Variants in PITRM1 observed in about 807,000 individuals in gnomAD.
PITRM1 encodes the protein pitrilysin metallopeptidase 1, also known as presequence protease, mitochondrial.
PITRM1 carries 100 observed loss-of-function variants against 129.9 expected under a neutral mutation model. The observed-to-expected ratio is 0.77, with a 90% CI of 0.65 to 0.91. The LOEUF (loss-of-function observed/expected upper bound fraction) is 0.91. PITRM1 is among the 40% of genes least tolerant of loss of function. The pLI is 0.00. For missense variants in PITRM1, 1,471 were observed against 1,318.3 expected, an observed-to-expected ratio of 1.12 and a Z score of -1.79; for synonymous variants, 591 against 508.8, an observed-to-expected ratio of 1.16 and a Z score of -2.17.
chr10:3,166,805 T>C, intron 3 of PITRM1, 131 bp downstream of exon 3: 3 of 576,598 alleles, frequency 5.2e-6, no homozygotes, highest in South Asian at 4.5e-5. Context: ...CTGTCCTTAG[T>C]GTTAGTGTAT....
At chr10:3,160,915 C>G (rs759547133) in intron 7 of PITRM1, among the ~76,000 whole-genome samples, 2 of 152,208 alleles carry the variant, frequency 1.3e-5, no homozygotes, top group East Asian at 3.8e-4. Flanking sequence ...TGCCCACCAC[C>G]ATGCCCAGCT....
chr10:3,153,037 G>A (rs1841657047), intron 14 of PITRM1, among the ~76,000 whole-genome samples: 2 of 152,368 alleles, frequency 1.3e-5, no homozygotes, highest in East Asian at 1.9e-4. Context: ...TTTCTGCATT[G>A]TTGTTCTCTA....
At chr10:3,158,490 C>CA (rs1425654126) in intron 10 of PITRM1, among the ~76,000 whole-genome samples, 1 of 152,080 alleles carries the variant, frequency 6.6e-6, no homozygotes. Flanking sequence ...GTGGAGCTTG[C>CA]AGTGAGCCGA....
At chr10:3,150,984 A>G (rs962854178) in intron 15 of PITRM1, among the ~76,000 whole-genome samples, 3 of 152,090 alleles carry the variant, frequency 2.0e-5, no homozygotes, top group South Asian at 2.1e-4. Flanking sequence ...ATTTGATTCT[A>G]GAAGCAGGAA....
Position 3,163,902 on chromosome 10 carries a change from A to G in PITRM1, c.631-17T>C. On this transcript the variant is annotated splice_polypyrimidine_tract_variant and intron_variant, in intron 6 of 26. Transcript: ENST00000224949. The stretch of plus-strand genomic sequence containing the variant: ...ATTGTCTGTCTTGAAACGTAAAATA[A>G]ATAAATCATAAGTATACATGTAAAA... 8 of 1,560,388 alleles carry G rather than the reference A, an allele frequency of 5.1e-6. No individual in the cohort carries two copies. Among genetic ancestry groups the G allele is most frequent in the Non-Finnish European group, 7.0e-6 (8 of 1,142,776 alleles).
At position 3,148,225 on chromosome 10, in the gene PITRM1, C is replaced by T; in HGVS notation, c.1938G>A (p.Met646Ile). The T allele has an allele frequency of 1.9e-6, 3 of 1,614,014 alleles. No homozygotes were observed. The South Asian group carries it at 3.3e-5, about 18-fold the overall frequency. Reference protein sequence around the residue: ...AQQIELKTGGMSASPHVLPDD... With the variant: ...AQQIELKTGGISASPHVLPDD... ...CGGGGAGCACGTGGGGAGAAGCACT[C>T]ATCCCTCCGGTCTTCAATTCTATCT... is the stretch of plus-strand genomic sequence containing the variant. The change falls in exon 17 of 27, where the codon ATG (methionine) becomes ATA (isoleucine). Residue 646 changes from methionine to isoleucine, a missense_variant. Physicochemically the swap from Met to Ile is conservative, Grantham distance 10. Coordinates refer to ENST00000224949, the MANE Select transcript of PITRM1 (RefSeq NM_014889.4).
chr10:3,168,279 C>CACTGT (rs1397624873), intron 2 of PITRM1, among the ~76,000 whole-genome samples: 7 of 152,240 alleles, frequency 4.6e-5, no homozygotes, highest in Non-Finnish European at 1.0e-4. Flanking sequence ...TTTCCAAGCT[C>CACTGT]ACTGTACTTT....
intron 6 of PITRM1, among the ~76,000 whole-genome samples, chr10:3,164,711 T>C (rs901628799): frequency 2.0e-5 from 3 of 152,262 alleles, no homozygotes; most frequent in African/African-American, 4.8e-5. Context: ...ATTTAAAAAA[T>C]ACTTATTCAT....
intron 24 of PITRM1, among the ~76,000 whole-genome samples, chr10:3,140,135 C>T (rs1840036773): frequency 6.6e-6 from 1 of 152,134 alleles, no homozygotes; most frequent in African/African-American, 2.4e-5. Flanking sequence ...TAACAAAATA[C>T]AACAATTATA....
At chr10:3,165,560 A>G (rs1842791712) in intron 4 of PITRM1, 33 bp from the exon 5 acceptor site, 1 of 1,212,052 alleles carries the variant, frequency 8.3e-7, no homozygotes, top group South Asian at 1.3e-5. Flanking sequence ...ATTGTAAAAT[A>G]TAACAGATTT....
chr10:3,167,276 AG>A (rs36157398), intron 2 of PITRM1, among the ~76,000 whole-genome samples: 41,401 of 145,242 alleles, frequency 0.29, 5,628 homozygotes, highest in South Asian at 0.33. Flanking sequence ...GTGTATAGAA[AG>A]AGAGAGAGAG....
chr10:3,164,932 C>T (rs543477118), intron 6 of PITRM1, among the ~76,000 whole-genome samples: 2 of 152,262 alleles, frequency 1.3e-5, no homozygotes, highest in East Asian at 1.9e-4. Flanking sequence ...GAAAGTACAC[C>T]GTGTACTTGG....
intron 22 of PITRM1, chr10:3,143,997 CG>C: frequency 1.8e-6 from 1 of 549,082 alleles, no homozygotes; most frequent in East Asian, 3.3e-5. Flanking sequence ...GTGAGTTGCC[CG>C]GGAGGAGACC....
At chr10:3,144,128 A>G (rs542350436) in intron 22 of PITRM1, 164 bp downstream of exon 22, 40 of 606,914 alleles carry the variant, frequency 6.6e-5, no homozygotes, top group South Asian at 5.2e-4. Flanking sequence ...TGAGAGAGAA[A>G]AGGCTCAGGG....
Position 3,145,570 on chromosome 10 carries a change from C to T in PITRM1, c.2457+26G>A, listed in dbSNP as rs963932888. On this transcript the variant is annotated intron_variant, in intron 21 of 26. Coordinates refer to ENST00000224949, the MANE Select transcript of PITRM1 (RefSeq NM_014889.4). ...GCTCTGGCACCCACCAGGCGCTCAC[C>T]GGGCGCCAGCACCACCAGTGCATAC... The T allele has an allele frequency of 6.5e-6, 10 of 1,544,676 alleles. No individual in the cohort carries two copies. The East Asian group carries it at 7.3e-5, about 11-fold the overall frequency.
chr10:3,171,731 G>T (rs539662639), intron 1 of PITRM1, among the ~76,000 whole-genome samples: 1 of 151,622 alleles, frequency 6.6e-6, no homozygotes, highest in Non-Finnish European at 1.5e-5. Flanking sequence ...GAGCCACCGC[G>T]CCCAACCTAT....
At chr10:3,149,562 C>G in intron 16 of PITRM1, 59 bp downstream of exon 16, 2 of 1,463,134 alleles carry the variant, frequency 1.4e-6, no homozygotes, top group South Asian at 2.9e-5. Flanking sequence ...CATTAGAATA[C>G]AGATATGCAC....
chr10:3,148,242 A>G lies in PITRM1; in HGVS notation c.1921T>C (p.Leu641=). Residue 641 remains leucine, a synonymous_variant, in exon 17 of 27, where the codon TTG becomes CTG. Coordinates refer to ENST00000224949, the MANE Select transcript of PITRM1 (RefSeq NM_014889.4). ...GAAGCACTCATCCCTCCGGTCTTCA[A>G]TTCTATCTGCTGAGCCTGCTCCCGG... ...DYREQAQQIE[L]KTGGMSASPH... 1 of 1,613,986 alleles carries G rather than the reference A, an allele frequency of 6.2e-7. No individual in the cohort carries two copies. The highest frequency in any genetic ancestry group is 8.5e-7 in the Non-Finnish European group (1 of 1,179,864).
rs376251966 is a variant in PITRM1 at position 3,159,835 on chromosome 10, A to G, written c.1007+13T>C. 2 of 1,504,206 alleles carry G rather than the reference A, an allele frequency of 1.3e-6. No individual in the cohort carries two copies. The highest frequency in any genetic ancestry group is 1.8e-6 in the Non-Finnish European group (2 of 1,086,966). The allele number at this position is 1,504,206 out of a possible 1,614,324, so 93.2% of individuals were successfully genotyped here. On this transcript the variant is annotated intron_variant, in intron 9 of 26. Coordinates refer to ENST00000224949, the MANE Select transcript of PITRM1 (RefSeq NM_014889.4). The stretch of plus-strand genomic sequence containing the variant: ...GTTTTTGTCTTGTATGAGCTTTGAC[A>G]GCATATACTTACTCCGGTAAGAGGA...
Sources: gnomAD v4.1 joint callset for allele counts (sites outside exome capture counted in the v4.1 genomes callset) on GRCh38, gnomAD v4.1.1 for gene constraint, MANE v1.5 for transcripts, NCBI Gene and HGNC (gene_info 2026-07-23, HGNC 2026-07-21) for gene names.